The following FKBP1B variants were observed in gnomAD, a reference collection of about 807,000 sequenced individuals.
FKBP1B encodes peptidyl-prolyl cis-trans isomerase FKBP1B.
FKBP1B carries 4 observed loss-of-function variants against 13.5 expected under a neutral mutation model. The observed-to-expected ratio is 0.30, with a 90% CI of 0.15 to 0.68. The LOEUF is 0.68. Among genes scored for constraint, FKBP1B ranks in the 30% least tolerant of loss-of-function variants. The probability of loss-of-function intolerance (pLI) is 0.76; values close to 1 mark genes in which losing one functional copy is unlikely to be tolerated. For missense variants in FKBP1B, 93 were observed against 136.2 expected, an observed-to-expected ratio of 0.68 and a Z score of 1.58; for synonymous variants, 54 against 53.6, an observed-to-expected ratio of 1.01 and a Z score of -0.03.
intron 2 of FKBP1B, among the ~76,000 whole-genome samples, chr2:24,057,961 C>A (rs1467104602): frequency 6.6e-6 from 1 of 151,994 alleles, no homozygotes; most frequent in Non-Finnish European, 1.5e-5. Flanking sequence ...CTTTGGGAGG[C>A]CAAGGCAGGT....
At chr2:24,045,326 G>C (rs550065146), upstream of FKBP1B, among the ~76,000 whole-genome samples, 3 of 152,290 alleles carry the variant, frequency 2.0e-5, no homozygotes, top group Admixed American at 2.0e-4. Context: ...GGCAGGCTGG[G>C]TGTGGTGCCT....
chr2:24,054,297 G>A (rs1456364484), intron 2 of FKBP1B: 6 of 443,760 alleles, frequency 1.4e-5, no homozygotes, highest in African/African-American at 6.0e-5. Context: ...AGAGCTCCCC[G>A]CAGACTTTCT....
At chr2:24,041,498 A>T in the FKBP1B span, among the ~76,000 whole-genome samples, 3 of 151,986 alleles carry the variant, frequency 2.0e-5, no homozygotes, top group South Asian at 2.1e-4. Context: ...AGGATTTTAC[A>T]TGTTATGGCT....
chr2:24,062,986 C>T, intron 3 of FKBP1B, 78 bp from the exon 4 acceptor site: 1 of 1,608,756 alleles, frequency 6.2e-7, no homozygotes, highest in Non-Finnish European at 8.5e-7. Context: ...GGGAAAATGC[C>T]ATAGTCATCT....
chr2:24,061,085 C>T (rs1232741573), intron 3 of FKBP1B, among the ~76,000 whole-genome samples, 159 bp downstream of exon 3: 1 of 152,102 alleles, frequency 6.6e-6, no homozygotes, highest in Non-Finnish European at 1.5e-5. Flanking sequence ...CCTGGCTTTG[C>T]GTCCCCACCC....
In FKBP1B at chr2:24,063,208, C is replaced by G; in HGVS notation, c.*16C>G. 1.3e-6 allele frequency: 2 copies of G among 1,567,798 alleles called. No individual in the cohort carries two copies. The highest frequency in any genetic ancestry group is 2.4e-5 in the South Asian group (2 of 82,954). On this transcript the variant is annotated 3_prime_UTR_variant, in exon 4 of 4. Coordinates refer to ENST00000380986, the MANE Select transcript of FKBP1B (RefSeq NM_004116.5). Reference sequence around the variant, plus strand: ...CTTAGAGTGAAGGCAGGAAGGAACTCAAGGTGGCTGGAGATGGCTGCTGCT... The same window carrying G: ...CTTAGAGTGAAGGCAGGAAGGAACTGAAGGTGGCTGGAGATGGCTGCTGCT...
Position 24,063,459 on chromosome 2 carries a change from ACAGAACAC to A in FKBP1B, c.*268_*275del. The A allele has an allele frequency of 2.6e-6, 1 of 381,858 alleles. No individual in the cohort carries two copies. Among genetic ancestry groups the A allele is most frequent in the Admixed American group, 4.5e-5 (1 of 22,406 alleles). The allele number at this position is 381,858 out of a possible 1,614,324, so 23.7% of individuals were successfully genotyped here. On this transcript the variant is annotated 3_prime_UTR_variant, in exon 4 of 4. Coordinates refer to ENST00000380986, the MANE Select transcript of FKBP1B (RefSeq NM_004116.5). Reference sequence around the variant, plus strand: ...ATGCATGTAGTAGCCTTTCCTGATGACAGAACACAGATCTCTTGTTCGCACAATCTACA... The same window carrying A: ...ATGCATGTAGTAGCCTTTCCTGATGAAGATCTCTTGTTCGCACAATCTACA...
intron 2 of FKBP1B, among the ~76,000 whole-genome samples, chr2:24,057,984 G>A (rs1371192150): frequency 6.6e-6 from 1 of 151,988 alleles, no homozygotes; most frequent in Non-Finnish European, 1.5e-5. Flanking sequence ...ATCACCTGAG[G>A]TCAGGAGTTC....
chr2:24,040,886 C>T, the FKBP1B span, among the ~76,000 whole-genome samples: 5 of 152,172 alleles, frequency 3.3e-5, no homozygotes, highest in East Asian at 9.6e-4. Context: ...TGTGGTGGTG[C>T]ATGCCTATAC....
chr2:24,040,158 C>T, the FKBP1B span, among the ~76,000 whole-genome samples: 2 of 151,956 alleles, frequency 1.3e-5, no homozygotes, highest in African/African-American at 4.8e-5. Context: ...GGACAAGGTC[C>T]TTATTATTTA....
intron 2 of FKBP1B, 48 bp downstream of exon 2, chr2:24,053,997 C>T (rs764504179): frequency 6.4e-7 from 1 of 1,563,692 alleles, no homozygotes; most frequent in Admixed American, 1.7e-5. Flanking sequence ...CCTCCCAAGG[C>T]AGGGCTGTCC....
intron 2 of FKBP1B, among the ~76,000 whole-genome samples, chr2:24,055,641 TC>T (rs1321981543): frequency 1.3e-5 from 2 of 152,256 alleles, no homozygotes; most frequent in East Asian, 3.8e-4. Context: ...GCGAGATATA[TC>T]CAGAATGGTT....
At chr2:24,048,301 C>G (rs1307435238), upstream of FKBP1B, among the ~76,000 whole-genome samples, 24 of 151,892 alleles carry the variant, frequency 1.6e-4, no homozygotes, top group Non-Finnish European at 3.4e-4. Flanking sequence ...GAAACCCTGT[C>G]TCTACTAAAA....
At chr2:24,063,041 C>G in intron 3 of FKBP1B, 23 bp from the exon 4 acceptor site, 1 of 1,614,214 alleles carries the variant, frequency 6.2e-7, no homozygotes, top group African/African-American at 1.3e-5. Context: ...TCTCCTCTCC[C>G]CATCTGCCCC....
intron 3 of FKBP1B, among the ~76,000 whole-genome samples, chr2:24,061,310 C>T (rs1306309016): frequency 1.3e-5 from 2 of 152,116 alleles, no homozygotes; most frequent in East Asian, 3.9e-4. Flanking sequence ...GCTGAAAATA[C>T]AGGCGTGGTG....
intron 2 of FKBP1B, among the ~76,000 whole-genome samples, chr2:24,056,342 G>A (rs998118488): frequency 6.7e-6 from 1 of 149,712 alleles, no homozygotes; most frequent in African/African-American, 2.5e-5. Flanking sequence ...TTCATTGTGG[G>A]TTTTTTTGTT....
At chr2:24,048,513 T>G (rs1663706813), upstream of FKBP1B, among the ~76,000 whole-genome samples, 1 of 149,782 alleles carries the variant, frequency 6.7e-6, no homozygotes. Flanking sequence ...AGACGGGATC[T>G]CGCTATGTTA....
At chr2:24,055,060 A>C (rs868093996) in intron 2 of FKBP1B, among the ~76,000 whole-genome samples, 1 of 152,196 alleles carries the variant, frequency 6.6e-6, no homozygotes, top group African/African-American at 2.4e-5. Context: ...GAATTTTTTC[A>C]AAGTGATCAC....
At chr2:24,033,286 T>C in the FKBP1B span, 1 of 450,712 alleles carries the variant, frequency 2.2e-6, no homozygotes, top group African/African-American at 2.0e-5. Flanking sequence ...CTGTTTCAGA[T>C]ATAGCTAAGA....
Sources: allele counts gnomAD v4.1 joint callset (sites outside exome capture counted in the v4.1 genomes callset), GRCh38; gene constraint gnomAD v4.1.1; transcripts MANE v1.5; gene names NCBI Gene and HGNC (gene_info 2026-07-23, HGNC 2026-07-21).